The following OR9Q1 variants were observed in gnomAD, a reference collection of about 807,000 sequenced individuals.
The protein encoded by OR9Q1 is olfactory receptor family 9 subfamily Q member 1, also known as olfactory receptor 9Q1.
For missense variants in OR9Q1, 374 were observed against 378.8 expected (o/e 0.99, Z 0.11); for synonymous variants, 153 against 148.6 (o/e 1.03, Z -0.22).
chr11:58,032,973 G>T (rs1308396100), intron 1 of OR9Q1, among the ~76,000 whole-genome samples: 1 of 152,088 alleles, frequency 6.6e-6, no homozygotes, highest in Non-Finnish European at 1.5e-5. Flanking sequence ...ATCAAAAGAA[G>T]ATATCCAAGT....
intron 2 of OR9Q1, among the ~76,000 whole-genome samples, chr11:58,079,053 C>T (rs1853565324): frequency 6.6e-6 from 1 of 152,218 alleles, no homozygotes; most frequent in Admixed American, 6.5e-5. Flanking sequence ...CGAGGAAAGA[C>T]TTCCCAAGGA....
intron 2 of OR9Q1, among the ~76,000 whole-genome samples, chr11:58,101,989 A>G (rs1590590602): frequency 6.6e-6 from 1 of 150,760 alleles, no homozygotes; most frequent in South Asian, 2.1e-4. Flanking sequence ...CAGGTGATCC[A>G]CCCCCCTTGG....
intron 2 of OR9Q1, chr11:58,119,316 C>A (rs1487105843): frequency 6.2e-7 from 1 of 1,613,842 alleles, no homozygotes; most frequent in Non-Finnish European, 8.5e-7. Flanking sequence ...TAATCATCCC[C>A]ACATTCCCAA....
chr11:58,164,372 A>G (rs1854482335), intron 2 of OR9Q1, among the ~76,000 whole-genome samples: 1 of 151,312 alleles, frequency 6.6e-6, no homozygotes, highest in Middle Eastern at 3.4e-3. Context: ...GGTGGTGGGG[A>G]TGGGGCAGGC....
intron 2 of OR9Q1, among the ~76,000 whole-genome samples, chr11:58,163,959 T>C (rs1011205342): frequency 1.3e-4 from 20 of 152,316 alleles, no homozygotes; most frequent in African/African-American, 3.6e-4. Context: ...AAGAGAAACC[T>C]TCTCTTTTCC....
rs1398983053 is a variant in OR9Q1 at position 58,053,616 on chromosome 11, T to TATATATATAAA, written c.-92-2245_-92-2244insAAATATATATA. On this transcript the variant is annotated intron_variant, in intron 1 of 2. Coordinates refer to ENST00000335397, the MANE Select transcript of OR9Q1 (RefSeq NM_001005212.4). ...AGTATAATAATAAAATTAAAAAATA[T>TATATATATAAA]ATATATATATAAAATATATATATAT... 3.8e-4 allele frequency among the ~76,000 whole-genome samples: 19 copies of TATATATATAAA among 49,572 alleles called. 1 individual carries two copies. In the East Asian group the frequency reaches 0.014, roughly 36 times the overall value. 32.5% of individuals were successfully genotyped at this position (49,572 alleles called of 152,430 possible). A position where few individuals can be genotyped will look rare whatever the true frequency, so the allele number is the denominator to read the frequency against.
chr11:58,097,947 G>A (rs964048089), intron 2 of OR9Q1, among the ~76,000 whole-genome samples: 7 of 152,166 alleles, frequency 4.6e-5, no homozygotes, highest in Non-Finnish European at 1.0e-4. Context: ...TAAGGAAATG[G>A]AGCATGGGAG....
intron 2 of OR9Q1, among the ~76,000 whole-genome samples, chr11:58,060,608 AT>A (rs922285674): frequency 2.0e-5 from 3 of 152,114 alleles, no homozygotes; most frequent in African/African-American, 7.2e-5. Context: ...TCAGCAAAAA[AT>A]ATTTCAGGAG....
At chr11:58,067,188 T>C (rs557347455) in intron 2 of OR9Q1, among the ~76,000 whole-genome samples, 5 of 152,138 alleles carry the variant, frequency 3.3e-5, no homozygotes, top group Non-Finnish European at 7.4e-5. Flanking sequence ...CCTGCCACCA[T>C]GCCTGGCTAA....
At chr11:58,166,882 T>G (rs761318048) in intron 2 of OR9Q1, among the ~76,000 whole-genome samples, 2 of 152,208 alleles carry the variant, frequency 1.3e-5, no homozygotes, top group African/African-American at 4.8e-5. Flanking sequence ...TTTGTATACA[T>G]GTATGGCTTA....
At chr11:58,158,473 A>C (rs1321726568) in intron 2 of OR9Q1, among the ~76,000 whole-genome samples, 1 of 150,780 alleles carries the variant, frequency 6.6e-6, no homozygotes, top group Non-Finnish European at 1.5e-5. Context: ...GTTTTAAAAG[A>C]AGTGGGCTAT....
intron 2 of OR9Q1, among the ~76,000 whole-genome samples, chr11:58,129,624 C>T (rs187045316): frequency 2.0e-5 from 3 of 152,270 alleles, no homozygotes; most frequent in Middle Eastern, 3.4e-3. Flanking sequence ...TTTACTGTTC[C>T]TTCTGCCTGA....
At chr11:58,107,446 C>CT (rs1465263120) in intron 2 of OR9Q1, among the ~76,000 whole-genome samples, 3 of 152,194 alleles carry the variant, frequency 2.0e-5, no homozygotes, top group Non-Finnish European at 2.9e-5. Context: ...TGAACTCATC[C>CT]TTTTTTATGG....
intron 2 of OR9Q1, among the ~76,000 whole-genome samples, chr11:58,061,835 G>T (rs956190812): frequency 1.3e-5 from 2 of 152,174 alleles, no homozygotes; most frequent in Non-Finnish European, 2.9e-5. Flanking sequence ...GCCAGCGGTG[G>T]TTACAATCTG....
intron 2 of OR9Q1, among the ~76,000 whole-genome samples, chr11:58,063,447 A>T (rs1219954230): frequency 1.3e-5 from 2 of 152,230 alleles, no homozygotes; most frequent in East Asian, 3.8e-4. Context: ...GGATTTGAAC[A>T]CATGCAAAGG....
intron 2 of OR9Q1, among the ~76,000 whole-genome samples, chr11:58,123,670 A>G (rs560613503): frequency 1.3e-5 from 2 of 152,318 alleles, no homozygotes; most frequent in African/African-American, 4.8e-5. Flanking sequence ...CAGAACAGAC[A>G]TTTGAACCTA....
At chr11:58,119,435 T>A (rs764313163) in intron 2 of OR9Q1, 12 of 1,603,366 alleles carry the variant, frequency 7.5e-6, no homozygotes, top group Non-Finnish European at 1.0e-5. Flanking sequence ...GTGAGATTAT[T>A]CTTGGCCATG....
At chr11:58,155,087 T>C (rs1854393535) in intron 2 of OR9Q1, among the ~76,000 whole-genome samples, 1 of 152,232 alleles carries the variant, frequency 6.6e-6, no homozygotes, top group South Asian at 2.1e-4. Context: ...TTGGCTCATA[T>C]GATTGTGGGG....
chr11:58,058,214 A>C (rs987135317), intron 2 of OR9Q1, among the ~76,000 whole-genome samples: 2 of 152,220 alleles, frequency 1.3e-5, no homozygotes, highest in African/African-American at 2.4e-5. Flanking sequence ...TCAAGTTCTG[A>C]TAGGCAACCC....
Sources: gnomAD v4.1 joint callset for allele counts (sites outside exome capture counted in the v4.1 genomes callset) on GRCh38, gnomAD v4.1.1 for gene constraint, MANE v1.5 for transcripts, NCBI Gene and HGNC (gene_info 2026-07-23, HGNC 2026-07-21) for gene names.